BMP5: variants seen among roughly 807,000 people sequenced by gnomAD.
The protein encoded by BMP5 is bone morphogenetic protein 5.
In BMP5, 23 loss-of-function variants were observed where a neutral mutation model predicts 46.6. That is an observed-to-expected ratio of 0.49 (90% CI 0.35 to 0.70). The LOEUF is 0.70. Ranked by LOEUF, BMP5 falls within the 30% of genes least tolerant of loss-of-function variation. BMP5 has a pLI of 0.00. For synonymous variants in BMP5, 204 were observed against 191.9 expected, an observed-to-expected ratio of 1.06 and a Z score of -0.52; for missense variants, 545 against 565.6, an observed-to-expected ratio of 0.96 and a Z score of 0.37.
At chr6:55,774,276 A>G in intron 3 of BMP5, 33 bp from the exon 4 acceptor site, 2 of 1,591,584 alleles carry the variant, frequency 1.3e-6, no homozygotes, top group Non-Finnish European at 1.7e-6. Flanking sequence ...TTGGTTTATG[A>G]AAAAGAAAGA....
At chr6:55,792,007 T>C (rs1181886522) in intron 3 of BMP5, among the ~76,000 whole-genome samples, 1 of 152,170 alleles carries the variant, frequency 6.6e-6, no homozygotes, top group African/African-American at 2.4e-5. Flanking sequence ...GAAGATTATT[T>C]AAATTTGTGC....
intron 4 of BMP5, among the ~76,000 whole-genome samples, chr6:55,768,726 G>C (rs1279879500): frequency 6.6e-6 from 1 of 151,906 alleles, no homozygotes; most frequent in East Asian, 1.9e-4. Flanking sequence ...TTTCTTAGCA[G>C]TTCTGTAATG....
In BMP5 at chr6:55,754,349, A is replaced by G. The variant is rs994122753; in HGVS notation, c.*1184T>C. 1.3e-5 allele frequency: 2 copies of G among 151,818 alleles called. No homozygotes were observed. Among genetic ancestry groups the G allele is most frequent in the Non-Finnish European group, 2.9e-5 (2 of 67,842 alleles). 9.4% of individuals were successfully genotyped at this position (151,818 alleles called of 1,614,324 possible). A position where few individuals can be genotyped will look rare whatever the true frequency, so the allele number is the denominator to read the frequency against. The stretch of plus-strand genomic sequence containing the variant: ...ACACACACACACACACACACACAAC[A>G]GAACCTTCCTGTTTGGAATTATTTG... On this transcript the variant is annotated 3_prime_UTR_variant, in exon 7 of 7. Transcript: ENST00000370830.
chr6:55,769,149 G>A lies in BMP5; in HGVS notation c.1027+4900C>T, dbSNP rs532302771. ...CTGTGGCAATTTCTTAAAAGACAAC[G>A]ATAAAATTTGTCACATTGATTGACT... On this transcript the variant is annotated intron_variant, in intron 4 of 6. Coordinates refer to ENST00000370830, the MANE Select transcript of BMP5 (RefSeq NM_021073.4). Among the ~76,000 whole-genome samples, 19 of 151,954 alleles carry A rather than the reference G, an allele frequency of 1.3e-4. 1 individual carries two copies. In the South Asian group the frequency reaches 3.7e-3, roughly 30 times the overall value.
At chr6:55,788,465 T>A (rs1029127117) in intron 3 of BMP5, among the ~76,000 whole-genome samples, 31 of 151,846 alleles carry the variant, frequency 2.0e-4, no homozygotes, top group Non-Finnish European at 3.8e-4. Context: ...ATCTGACCTT[T>A]TCCCTGTGGA....
intron 1 of BMP5, among the ~76,000 whole-genome samples, chr6:55,863,621 T>G (rs1323935042): frequency 6.6e-6 from 1 of 152,166 alleles, no homozygotes; most frequent in African/African-American, 2.4e-5. Context: ...ACCTGAAAAT[T>G]TTATATACGA....
intron 1 of BMP5, 70 bp downstream of exon 1, chr6:55,874,305 CA>C (rs1222678978): frequency 6.3e-7 from 1 of 1,594,062 alleles, no homozygotes; most frequent in African/African-American, 1.3e-5. Context: ...ACCTACCAAG[CA>C]GCTCCTTTAC....
In BMP5 at chr6:55,794,295, A is replaced by G; in HGVS notation, c.816T>C (p.Cys272=). Residue 272 remains cysteine (C), a synonymous_variant, in exon 3 of 7, where the codon TGT becomes TGC. Coordinates refer to ENST00000370830, the MANE Select transcript of BMP5 (RefSeq NM_021073.4). ...NPQNNLGLQL[C]AETGDGRSIN... is the part of the protein sequence containing the mutation. ...AGTGCTTACCATCCCCTGTTTCTGC[A>G]CAGAGCTGTAAGCCCAAATTATTCT... 1 of 1,614,048 alleles carries G rather than the reference A, an allele frequency of 6.2e-7. No homozygotes were observed. Among genetic ancestry groups the G allele is most frequent in the Non-Finnish European group, 8.5e-7 (1 of 1,179,912 alleles).
In BMP5 at chr6:55,874,861, T is replaced by A. The variant is rs1777873279; in HGVS notation, c.5A>T (p.His2Leu). 2 of 1,612,972 alleles carry A rather than the reference T, an allele frequency of 1.2e-6. No homozygotes were observed. Among genetic ancestry groups the A allele is most frequent in the Non-Finnish European group, 1.7e-6 (2 of 1,179,468 alleles). Residue 2 changes from histidine to leucine, a missense_variant, in exon 1 of 7, where the codon CAT (histidine) becomes CTT (leucine). Coordinates refer to ENST00000370830, the MANE Select transcript of BMP5 (RefSeq NM_021073.4). M[H>L]LTVFLLKGIV... The stretch of plus-strand genomic sequence containing the variant: ...ACCCTTAAGTAAAAATACAGTCAGA[T>A]GCATTTTTGTCCAAAAGCAAAAGTT...
At chr6:55,772,580 T>C (rs1050709763) in intron 4 of BMP5, among the ~76,000 whole-genome samples, 4 of 151,896 alleles carry the variant, frequency 2.6e-5, no homozygotes, top group Non-Finnish European at 5.9e-5. Flanking sequence ...GAAGAAAAGG[T>C]CTTAGAAAGT....
intron 1 of BMP5, among the ~76,000 whole-genome samples, chr6:55,853,251 A>G (rs907351784): frequency 1.1e-4 from 17 of 151,426 alleles, no homozygotes; most frequent in African/African-American, 4.1e-4. Flanking sequence ...ATTTGTTGCT[A>G]ATTTGTGATA....
intron 1 of BMP5, among the ~76,000 whole-genome samples, chr6:55,870,287 TAATC>T (rs928712896): frequency 6.6e-6 from 1 of 152,010 alleles, no homozygotes; most frequent in African/African-American, 2.4e-5. Flanking sequence ...AATCACTTGA[TAATC>T]AACCATCTTT....
At chr6:55,871,478 A>G (rs142229444) in intron 1 of BMP5, among the ~76,000 whole-genome samples, 3 of 151,944 alleles carry the variant, frequency 2.0e-5, no homozygotes, top group South Asian at 2.1e-4. Flanking sequence ...GGTTAAAATG[A>G]TATGTTTGGT....
At chr6:55,798,539 G>T (rs2127530646) in intron 2 of BMP5, among the ~76,000 whole-genome samples, 1 of 152,178 alleles carries the variant, frequency 6.6e-6, no homozygotes, top group South Asian at 2.1e-4. Flanking sequence ...TTGTGATATA[G>T]ATCAGTATAA....
intron 2 of BMP5, among the ~76,000 whole-genome samples, chr6:55,799,141 A>C (rs984565640): frequency 3.9e-5 from 6 of 152,232 alleles, no homozygotes; most frequent in Admixed American, 2.0e-4. Flanking sequence ...CTGTATATTA[A>C]AAATGGTATG....
At chr6:55,800,082 T>A (rs1202015964) in intron 2 of BMP5, among the ~76,000 whole-genome samples, 1 of 152,158 alleles carries the variant, frequency 6.6e-6, no homozygotes, top group Non-Finnish European at 1.5e-5. Flanking sequence ...TTCCTGCACT[T>A]TCGATAGCAT....
chr6:55,811,449 C>G (rs893920933), intron 2 of BMP5, among the ~76,000 whole-genome samples: 2 of 152,096 alleles, frequency 1.3e-5, no homozygotes, highest in African/African-American at 2.4e-5. Context: ...TCAAGTAAAG[C>G]ACTTAGCACA....
At chr6:55,808,944 C>T (rs1240626866) in intron 2 of BMP5, among the ~76,000 whole-genome samples, 1 of 152,218 alleles carries the variant, frequency 6.6e-6, no homozygotes, top group African/African-American at 2.4e-5. Context: ...TAAAGAGCCA[C>T]ACTATCCATG....
intron 2 of BMP5, among the ~76,000 whole-genome samples, chr6:55,818,967 C>CAGAT (rs1460159928): frequency 3.9e-4 from 59 of 151,724 alleles, no homozygotes; most frequent in African/African-American, 7.3e-4. Context: ...GACAGACAGA[C>CAGAT]AGACAGATAG....
Sources: gnomAD v4.1 joint callset for allele counts (sites outside exome capture counted in the v4.1 genomes callset) on GRCh38, gnomAD v4.1.1 for gene constraint, MANE v1.5 for transcripts, NCBI Gene and HGNC (gene_info 2026-07-23, HGNC 2026-07-21) for gene names.